The following MACROH2A2 variants were observed in gnomAD, a reference collection of about 807,000 sequenced individuals.
MACROH2A2 encodes core histone macro-H2A.2.
In MACROH2A2, 6 loss-of-function variants were observed where a neutral mutation model predicts 37.6. The observed-to-expected ratio is 0.16, with a 90% confidence interval of 0.09 to 0.32. MACROH2A2 has a LOEUF of 0.32. MACROH2A2 is among the 10% of genes least tolerant of loss of function. MACROH2A2 has a pLI of 1.00. For synonymous variants in MACROH2A2, 192 were observed against 202.7 expected, an observed-to-expected ratio of 0.95 and a Z score of 0.45; for missense variants, 290 against 485.9, an observed-to-expected ratio of 0.60 and a Z score of 3.79.
At chr10:70,065,189 G>T (rs566378234) in intron 1 of MACROH2A2, among the ~76,000 whole-genome samples, 1 of 151,970 alleles carries the variant, frequency 6.6e-6, no homozygotes, top group Non-Finnish European at 1.5e-5. Context: ...TGGGATTACA[G>T]GTACAGCCTC....
At chr10:70,101,433 G>A (rs990236754) in intron 7 of MACROH2A2, among the ~76,000 whole-genome samples, 13 of 152,276 alleles carry the variant, frequency 8.5e-5, no homozygotes, top group East Asian at 5.8e-4. Context: ...TCCAAGCCAC[G>A]AGGGGTTTTA....
intron 2 of MACROH2A2, among the ~76,000 whole-genome samples, chr10:70,082,860 G>A (rs1424645606): frequency 6.6e-6 from 1 of 152,136 alleles, no homozygotes; most frequent in Non-Finnish European, 1.5e-5. Context: ...GTTTCCATTT[G>A]GGATGATGAA....
intron 2 of MACROH2A2, among the ~76,000 whole-genome samples, chr10:70,088,540 A>G (rs2072225518): frequency 2.6e-5 from 4 of 152,264 alleles, no homozygotes; most frequent in Admixed American, 2.6e-4. Flanking sequence ...CAAGGTTTTA[A>G]TAGCATGGGA....
Position 70,093,728 on chromosome 10 carries a change from C to T in MACROH2A2, c.478-7C>T. 1 of 1,537,366 alleles carries T rather than the reference C, an allele frequency of 6.5e-7. No homozygotes were observed. The highest frequency in any genetic ancestry group is 1.1e-5 in the South Asian group (1 of 89,284). On this transcript the variant is annotated splice_polypyrimidine_tract_variant and splice_region_variant and intron_variant, in intron 4 of 8. Transcript: ENST00000373255. ...TTCTCATCTTGCCTTTTGATTTTTA[C>T]CGACAGTCCAAACCAAAGGACAGCG...
At position 70,080,362 on chromosome 10, in the gene MACROH2A2, G is replaced by C. The variant is rs75792419; in HGVS notation, c.172+4532G>C. On this transcript the variant is annotated intron_variant, in intron 2 of 8. Transcript: ENST00000373255. ...TGGATGGAGAATGGTGCCTGTACCT[G>C]AAGTAGGGAGCAATGGATGAGAACC... is the stretch of plus-strand genomic sequence containing the variant. Among the ~76,000 whole-genome samples the C allele has an allele frequency of 8.8e-3, 1,340 of 152,182 alleles. 20 individuals carry two copies. The highest frequency in any genetic ancestry group is 0.03 in the African/African-American group (1,264 of 41,500).
In MACROH2A2 at chr10:70,105,308, C is replaced by T. The variant is rs151321316; in HGVS notation, c.779-3725C>T. 4.5e-3 allele frequency among the ~76,000 whole-genome samples: 688 copies of T among 152,316 alleles called. 6 individuals carry two copies. The highest frequency in any genetic ancestry group is 0.016 in the African/African-American group (655 of 41,566). On this transcript the variant is annotated intron_variant, in intron 7 of 8. Transcript: ENST00000373255. ...TGGATGTGATTGTAGGCCCTGAACACTCCTGAATTTTACAACCAGGCGGGG... is the reference window on the plus strand; with the variant it reads ...TGGATGTGATTGTAGGCCCTGAACATTCCTGAATTTTACAACCAGGCGGGG...
chr10:70,069,927 C>A (rs180757723), intron 1 of MACROH2A2, among the ~76,000 whole-genome samples: 145 of 152,308 alleles, frequency 9.5e-4, no homozygotes, highest in Admixed American at 1.9e-3. Flanking sequence ...CAGGCATAAT[C>A]CAGCACAGGC....
intron 7 of MACROH2A2, among the ~76,000 whole-genome samples, chr10:70,106,126 G>C (rs1048806225): frequency 2.6e-5 from 4 of 152,222 alleles, no homozygotes; most frequent in African/African-American, 9.6e-5. Context: ...CCAACCTAGA[G>C]TCCCCTTTTG....
Position 70,091,886 on chromosome 10 carries a change from A to G in MACROH2A2, c.409A>G (p.Arg137Gly). The G allele has an allele frequency of 6.2e-7, 1 of 1,614,118 alleles. No homozygotes were observed. Among genetic ancestry groups the G allele is most frequent in the Non-Finnish European group, 8.5e-7 (1 of 1,180,010 alleles). ...ILSPPPEKRG[R>G]KATSGKKGGK... is the part of the protein sequence containing the mutation. Reference sequence around the variant, plus strand: ...CTCCCCACCCCCAGAGAAAAGAGGCAGGAAGGCCACGTCAGGCAAGAAGGG... The same window carrying G: ...CTCCCCACCCCCAGAGAAAAGAGGCGGGAAGGCCACGTCAGGCAAGAAGGG... Residue 137 changes from arginine to glycine, a missense_variant, in exon 4 of 9, where the codon AGG (arginine) becomes GGG (glycine). By Grantham distance (125) the Arg-to-Gly change is moderately radical (BLOSUM62 -2). Transcript: ENST00000373255.
chr10:70,080,340 A>T (rs983940283), intron 2 of MACROH2A2, among the ~76,000 whole-genome samples: 1 of 151,250 alleles, frequency 6.6e-6, no homozygotes, highest in African/African-American at 2.4e-5. Flanking sequence ...CAGCTAGTGG[A>T]TGGAGAATGG....
intron 2 of MACROH2A2, among the ~76,000 whole-genome samples, chr10:70,078,119 C>T (rs10999122): frequency 0.37 from 56,917 of 152,128 alleles, 11,201 homozygotes; most frequent in African/African-American, 0.49. Context: ...TTGGAATCCC[C>T]AGCATCTCTG....
intron 2 of MACROH2A2, among the ~76,000 whole-genome samples, chr10:70,078,031 G>GC (rs2072151289): frequency 6.6e-6 from 1 of 152,192 alleles, no homozygotes; most frequent in Non-Finnish European, 1.5e-5. Context: ...CCCAATATTT[G>GC]TGTGATGAAA....
At chr10:70,095,257 A>C (rs974404368) in intron 5 of MACROH2A2, among the ~76,000 whole-genome samples, 8 of 151,840 alleles carry the variant, frequency 5.3e-5, no homozygotes, top group Non-Finnish European at 7.4e-5. Context: ...AGTCCCAGCT[A>C]CTCAGGAGGC....
At chr10:70,102,769 A>G (rs771745966) in intron 7 of MACROH2A2, among the ~76,000 whole-genome samples, 19 of 152,140 alleles carry the variant, frequency 1.2e-4, no homozygotes, top group Non-Finnish European at 2.4e-4. Context: ...CTTCTAGTCC[A>G]GAAAGAACAA....
At chr10:70,088,325 A>G (rs1237856191) in intron 2 of MACROH2A2, among the ~76,000 whole-genome samples, 1 of 152,202 alleles carries the variant, frequency 6.6e-6, no homozygotes, top group Non-Finnish European at 1.5e-5. Flanking sequence ...CAGTGAGACA[A>G]CAACACATTG....
intron 2 of MACROH2A2, among the ~76,000 whole-genome samples, chr10:70,082,318 T>C (rs1015139237): frequency 2.6e-5 from 4 of 151,068 alleles, no homozygotes; most frequent in Non-Finnish European, 5.9e-5. Context: ...CCGGGGAGGC[T>C]GAGGCAGAAG....
chr10:70,093,645 C>A, intron 4 of MACROH2A2, 90 bp from the exon 5 acceptor site: 1 of 685,444 alleles, frequency 1.5e-6, no homozygotes. Context: ...TCATATTCAA[C>A]TTGGTGGCAG....
chr10:70,108,766 C>T (rs531426162), intron 7 of MACROH2A2, among the ~76,000 whole-genome samples: 32 of 152,296 alleles, frequency 2.1e-4, no homozygotes, highest in African/African-American at 7.7e-4. Flanking sequence ...GTAGCCCAAC[C>T]CAGGGACTAC....
chr10:70,111,809 G>A lies in MACROH2A2; in HGVS notation c.*126G>A, dbSNP rs867864460. Reference sequence around the variant, plus strand: ...GGGTGGCCGGGCAGGTCCTGCCGGCGCAGGGAGCCCTCTGCCCTTCACACT... The same window carrying A: ...GGGTGGCCGGGCAGGTCCTGCCGGCACAGGGAGCCCTCTGCCCTTCACACT... On this transcript the variant is annotated 3_prime_UTR_variant, in exon 9 of 9. Coordinates refer to ENST00000373255, the MANE Select transcript of MACROH2A2 (RefSeq NM_018649.3). 2.2e-5 allele frequency: 16 copies of A among 723,902 alleles called. No individual in the cohort carries two copies. The highest frequency in any genetic ancestry group is 4.1e-4 in the Middle Eastern group (1 of 2,436). The allele number at this position is 723,902 out of a possible 1,614,324, so 44.8% of individuals were successfully genotyped here. A position where few individuals can be genotyped will look rare whatever the true frequency, so the allele number is the denominator to read the frequency against.
Sources: gnomAD v4.1 joint callset for allele counts (sites outside exome capture counted in the v4.1 genomes callset) on GRCh38, gnomAD v4.1.1 for gene constraint, MANE v1.5 for transcripts, NCBI Gene and HGNC (gene_info 2026-07-23, HGNC 2026-07-21) for gene names.